GMDS: variants seen among roughly 807,000 people sequenced by gnomAD.
GMDS encodes the protein GDP-mannose 4,6 dehydratase.
GMDS carries 20 observed loss-of-function variants against 49.9 expected under a neutral mutation model. The ratio of observed to expected loss-of-function variants is 0.40; its 90% CI spans 0.28 to 0.58. GMDS has a LOEUF of 0.58. GMDS is among the 20% of genes least tolerant of loss of function. GMDS has a pLI of 0.42. For missense variants in GMDS, 362 were observed against 481.4 expected, an observed-to-expected ratio of 0.75 and a Z score of 2.32; for synonymous variants, 177 against 178.6, an observed-to-expected ratio of 0.99 and a Z score of 0.07.
chr6:2,044,646 G>T (rs188014014), intron 4 of GMDS, among the ~76,000 whole-genome samples: 3 of 152,094 alleles, frequency 2.0e-5, no homozygotes, highest in African/African-American at 7.2e-5. Flanking sequence ...GAAATAATCC[G>T]AACAACAAAC....
rs919975932 is a variant in GMDS at position 2,191,090 on chromosome 6, C to T, written c.102+54231G>A. ...CACTACAGGGACCCAGCCAGTGGTG[C>T]GGTCACCACGCCCACTGCACCAAGG... On this transcript the variant is annotated intron_variant, in intron 1 of 10. Transcript: ENST00000380815. The surrounding 1 kb of genome is among the most constrained non-coding windows in gnomAD (Gnocchi z 4.6). Among the ~76,000 whole-genome samples the T allele has an allele frequency of 2.6e-5, 4 of 152,090 alleles. No individual in the cohort carries two copies. The highest frequency in any genetic ancestry group is 4.4e-5 in the Non-Finnish European group (3 of 67,966).
rs200704558 is a variant in GMDS at position 2,219,680 on chromosome 6, G to A, written c.102+25641C>T. ...ACAGACCAGTAACAAACAGAGCACCGACCACACCAGTTAAAAGACCACACC... is the reference window on the plus strand; with the variant it reads ...ACAGACCAGTAACAAACAGAGCACCAACCACACCAGTTAAAAGACCACACC... On this transcript the variant is annotated intron_variant, in intron 1 of 10. Transcript: ENST00000380815. 5.3e-5 allele frequency among the ~76,000 whole-genome samples: 8 copies of A among 152,066 alleles called. No individual in the cohort carries two copies. The East Asian group carries it at 7.7e-4, about 15-fold the overall frequency.
chr6:2,208,205 A>AT (rs1201294983), intron 1 of GMDS, among the ~76,000 whole-genome samples: 2 of 152,178 alleles, frequency 1.3e-5, no homozygotes, highest in African/African-American at 4.8e-5. Context: ...GCCTCCTTCT[A>AT]TATCTGGCTT....
intron 7 of GMDS, among the ~76,000 whole-genome samples, chr6:1,773,184 A>G (rs77735941): frequency 0.017 from 2,340 of 140,348 alleles, 60 homozygotes; most frequent in African/African-American, 0.062. Flanking sequence ...GAAAATGCAC[A>G]GAGGGTCCTC....
At chr6:1,832,673 T>C (rs750054039) in intron 7 of GMDS, among the ~76,000 whole-genome samples, 4 of 152,194 alleles carry the variant, frequency 2.6e-5, no homozygotes, top group Admixed American at 1.3e-4. Flanking sequence ...GTCTTAAAAA[T>C]AGTCCACCAC....
chr6:2,002,468 C>T (rs1766885707), intron 4 of GMDS, among the ~76,000 whole-genome samples: 1 of 152,138 alleles, frequency 6.6e-6, no homozygotes, highest in Non-Finnish European at 1.5e-5. Flanking sequence ...TGTTGAGGAT[C>T]TTTTAGGAAC....
At chr6:1,842,037 C>T (rs1757173222) in intron 7 of GMDS, among the ~76,000 whole-genome samples, 1 of 152,214 alleles carries the variant, frequency 6.6e-6, no homozygotes, top group Non-Finnish European at 1.5e-5. Flanking sequence ...CAGGCTCATC[C>T]CCTGTGACTC....
intron 4 of GMDS, among the ~76,000 whole-genome samples, chr6:2,009,570 T>G (rs1465294347): frequency 6.6e-6 from 1 of 152,220 alleles, no homozygotes; most frequent in African/African-American, 2.4e-5. Flanking sequence ...ATGTTAGATC[T>G]GAGCACAGAA....
chr6:1,802,240 T>C (rs1300735389), intron 7 of GMDS, among the ~76,000 whole-genome samples: 1 of 152,230 alleles, frequency 6.6e-6, no homozygotes, highest in Admixed American at 6.5e-5. Flanking sequence ...ACTGTCCTAA[T>C]GAATGTACAA....
intron 9 of GMDS, among the ~76,000 whole-genome samples, chr6:1,688,523 G>A (rs1279643144): frequency 2.0e-5 from 3 of 152,128 alleles, no homozygotes; most frequent in Non-Finnish European, 4.4e-5. Context: ...TCCTCTCCGT[G>A]ATTCTCCTCT....
At chr6:1,853,433 G>A (rs896505384) in intron 7 of GMDS, among the ~76,000 whole-genome samples, 9 of 148,318 alleles carry the variant, frequency 6.1e-5, no homozygotes, top group African/African-American at 2.3e-4. Flanking sequence ...CAGGAGAATG[G>A]CGTGAACCCG....
rs186764800 is a variant in GMDS, at chr6:1,862,938, A to C, written c.771+67165T>G. 2.6e-4 allele frequency among the ~76,000 whole-genome samples: 39 copies of C among 152,346 alleles called. No individual in the cohort carries two copies. In the East Asian group the frequency reaches 6.9e-3, roughly 27 times the overall value. On this transcript the variant is annotated intron_variant, in intron 7 of 10. Coordinates refer to ENST00000380815, the MANE Select transcript of GMDS (RefSeq NM_001500.4). ...ATACAAAACACTGAGAAAACATCCC[A>C]AAAATTGGATAAGTTAAATACTAAA...
At chr6:2,082,274 T>G (rs1181078728) in intron 4 of GMDS, among the ~76,000 whole-genome samples, 1 of 152,174 alleles carries the variant, frequency 6.6e-6, no homozygotes, top group African/African-American at 2.4e-5. Flanking sequence ...GGTCATTCCC[T>G]CGATGCACTT....
chr6:1,744,320 TA>T (rs1421551585), intron 7 of GMDS, among the ~76,000 whole-genome samples: 1 of 152,142 alleles, frequency 6.6e-6, no homozygotes, highest in Non-Finnish European at 1.5e-5. Context: ...TGATATTCTA[TA>T]AAGTAACTGA....
At chr6:1,951,962 G>C (rs1027525768) in intron 6 of GMDS, 75 of 983,392 alleles carry the variant, frequency 7.6e-5, no homozygotes, top group Middle Eastern at 1.0e-3. Flanking sequence ...GTGTCACAGG[G>C]GTTTCTTTGC....
chr6:2,195,820 CA>C lies in GMDS; in HGVS notation c.102+49500del, dbSNP rs34797269. 9.3e-3 allele frequency among the ~76,000 whole-genome samples: 1,010 copies of C among 108,280 alleles called. 2 individuals carry two copies. The highest frequency in any genetic ancestry group is 0.023 in the Middle Eastern group (5 of 214). 71.0% of individuals were successfully genotyped at this position (108,280 alleles called of 152,430 possible). A position where few individuals can be genotyped will look rare whatever the true frequency, so the allele number is the denominator to read the frequency against. On this transcript the variant is annotated intron_variant, in intron 1 of 10. Coordinates refer to ENST00000380815, the MANE Select transcript of GMDS (RefSeq NM_001500.4). The stretch of plus-strand genomic sequence containing the variant: ...AACATAAGAAAGACCTTGTCTCTAC[CA>C]AAAAAAAAAAAAAAGTTAATAAAAA...
chr6:1,766,560 G>A lies in GMDS; in HGVS notation c.772-23974C>T, dbSNP rs1027126867. ...GAAAAGTGATTTCTCTCTTGTGTAT[G>A]GCTCGGGAGGAGGGTCTAAGGTGGG... On this transcript the variant is annotated intron_variant, in intron 7 of 10. Coordinates refer to ENST00000380815, the MANE Select transcript of GMDS (RefSeq NM_001500.4). The surrounding 1 kb of genome is among the most constrained non-coding windows in gnomAD (Gnocchi z 4.5). Among the ~76,000 whole-genome samples the A allele has an allele frequency of 6.6e-6, 1 of 152,062 alleles. No individual in the cohort carries two copies. Among genetic ancestry groups the A allele is most frequent in the Non-Finnish European group, 1.5e-5 (1 of 68,004 alleles).
At chr6:2,132,874 T>C (rs560400876) in intron 1 of GMDS, among the ~76,000 whole-genome samples, 37 of 152,334 alleles carry the variant, frequency 2.4e-4, no homozygotes, top group African/African-American at 8.9e-4. Context: ...AATACATTAA[T>C]AAAGATTTGT....
At chr6:1,922,871 C>T (rs1289784446) in intron 7 of GMDS, among the ~76,000 whole-genome samples, 5 of 152,228 alleles carry the variant, frequency 3.3e-5, no homozygotes, top group Non-Finnish European at 7.3e-5. Context: ...GCTGCGTCCC[C>T]TTTCAAATCT....
Sources: gnomAD v4.1 joint callset for allele counts (sites outside exome capture counted in the v4.1 genomes callset) on GRCh38, gnomAD v4.1.1 for gene constraint, Gnocchi (gnomAD v3.1) non-coding constraint, MANE v1.5 for transcripts, NCBI Gene and HGNC (gene_info 2026-07-23, HGNC 2026-07-21) for gene names.